CEP295: variants seen among roughly 807,000 people sequenced by gnomAD.
CEP295 encodes centrosomal protein of 295 kDa.
In CEP295, 190 loss-of-function variants were observed where a neutral mutation model predicts 291.6. That is an observed-to-expected ratio of 0.65 (90% CI 0.58 to 0.73). CEP295 has a LOEUF of 0.73. Ranked by LOEUF, CEP295 falls within the 30% of genes least tolerant of loss-of-function variation. The pLI, the probability that CEP295 is intolerant of heterozygous loss-of-function variation, is 0.00. For synonymous variants in CEP295, 993 were observed against 1,038.8 expected (o/e 0.96, Z 0.85); for missense variants, 2,863 against 2,949.4 (o/e 0.97, Z 0.68).
chr11:93,713,018 C>G (rs564947837), intron 18 of CEP295, among the ~76,000 whole-genome samples: 1 of 151,548 alleles, frequency 6.6e-6, no homozygotes, highest in East Asian at 1.9e-4. Flanking sequence ...ATCTTATAAC[C>G]CATTATTTAA....
chr11:93,687,644 T>C lies in CEP295; in HGVS notation c.1115T>C (p.Val372Ala). ...TTTTTTCCCTTTTTCTTTCTTTTAG[T>C]TCCCTTGGTAATGAAGACCCAACAG... ...EAEICSSETD[V>A]PLVMKTQQIP... is the part of the protein sequence containing the mutation. The change falls in exon 10 of 30, where the codon GTT (valine) becomes GCT (alanine). Residue 372 changes from valine (V) to alanine (A), a missense_variant and splice_region_variant. This residue lies in a region of CEP295 where 554 missense variants were observed against 576.0 expected (regional missense o/e 0.96). Coordinates refer to ENST00000325212, the MANE Select transcript of CEP295 (RefSeq NM_033395.2). 6.8e-7 allele frequency: 1 copy of C among 1,476,114 alleles called. No homozygotes were observed. Among genetic ancestry groups the C allele is most frequent in the Non-Finnish European group, 9.1e-7 (1 of 1,093,664 alleles). 91.4% of individuals were successfully genotyped at this position (1,476,114 alleles called of 1,614,324 possible).
chr11:93,702,973 C>CTT, intron 17 of CEP295, 54 bp downstream of exon 17: 1 of 1,401,882 alleles, frequency 7.1e-7, no homozygotes, highest in Non-Finnish European at 9.6e-7. Context: ...CAGTTTTCTA[C>CTT]TTTTTTTTTA....
chr11:93,728,768 G>A lies in CEP295; in HGVS notation c.7249G>A (p.Ala2417Thr). The change falls in exon 25 of 30, where the codon GCA (alanine) becomes ACA (threonine). Residue 2417 changes from alanine to threonine, a missense_variant. Physicochemically the swap from Ala to Thr is moderately conservative, Grantham distance 58. Transcript: ENST00000325212. ...TACCAGTATTGCTGAAATGGATTTT[G>A]CAAATTTAACCCTAGAAGAGAAGAG... Reference protein sequence around the residue: ...TDTSIAEMDFANLTLEEKSEN... With the variant: ...TDTSIAEMDFTNLTLEEKSEN... 1.9e-6 allele frequency: 3 copies of A among 1,550,394 alleles called. No homozygotes were observed. Among genetic ancestry groups the A allele is most frequent in the Non-Finnish European group, 2.6e-6 (3 of 1,146,652 alleles).
chr11:93,714,391 C>T (rs770046766), intron 18 of CEP295, among the ~76,000 whole-genome samples: 3 of 152,220 alleles, frequency 2.0e-5, no homozygotes, highest in Non-Finnish European at 4.4e-5. Flanking sequence ...GCTGGGACTA[C>T]AGGCGCGTGC....
intron 6 of CEP295, among the ~76,000 whole-genome samples, chr11:93,677,571 C>T (rs1233535424): frequency 6.6e-6 from 1 of 152,102 alleles, no homozygotes; most frequent in African/African-American, 2.4e-5. Context: ...GCTTAAAAGT[C>T]CTACATTACA....
intron 17 of CEP295, among the ~76,000 whole-genome samples, chr11:93,703,761 G>C (rs974191215): frequency 6.9e-6 from 1 of 145,686 alleles, no homozygotes; most frequent in Admixed American, 6.9e-5. Flanking sequence ...ACTCATCCCT[G>C]TAATTCTTTT....
At chr11:93,691,647 A>G in intron 10 of CEP295, 36 bp from the exon 11 acceptor site, 1 of 1,305,666 alleles carries the variant, frequency 7.7e-7, no homozygotes. Flanking sequence ...GACAATGATT[A>G]TATATTCAAA....
chr11:93,683,585 C>CA lies in CEP295; in HGVS notation c.795dup (p.Gln266ThrfsTer10). Reference sequence around the variant, plus strand: ...ATCAGGAGAAACTAATGAAAGAACTCAAACAGCTACAGCAAGAGGACCTGG... The same window carrying CA: ...ATCAGGAGAAACTAATGAAAGAACTCAAAACAGCTACAGCAAGAGGACCTGG... On this transcript the variant is annotated frameshift_variant, in exon 8 of 30. Coordinates refer to ENST00000325212, the MANE Select transcript of CEP295 (RefSeq NM_033395.2). LOFTEE classifies it high-confidence loss of function. 6.6e-7 allele frequency: 1 copy of CA among 1,518,412 alleles called. No individual in the cohort carries two copies. Among genetic ancestry groups the CA allele is most frequent in the Non-Finnish European group, 8.8e-7 (1 of 1,138,280 alleles). The allele number at this position is 1,518,412 out of a possible 1,614,324, so 94.1% of individuals were successfully genotyped here. A position where few individuals can be genotyped will look rare whatever the true frequency, so the allele number is the denominator to read the frequency against.
chr11:93,683,468 C>T (rs376174503), intron 7 of CEP295, 91 bp from the exon 8 acceptor site: 13 of 897,658 alleles, frequency 1.4e-5, no homozygotes, highest in East Asian at 1.4e-4. Context: ...AAGCTTAGAC[C>T]CTGATCCTCA....
At chr11:93,666,336 G>A (rs1337889347) in intron 1 of CEP295, among the ~76,000 whole-genome samples, 5 of 152,190 alleles carry the variant, frequency 3.3e-5, no homozygotes, top group Non-Finnish European at 7.3e-5. Flanking sequence ...GCTCATGCCT[G>A]TAATCCCAGC....
intron 18 of CEP295, among the ~76,000 whole-genome samples, chr11:93,714,408 G>A (rs1172624025): frequency 6.6e-6 from 1 of 152,086 alleles, no homozygotes; most frequent in East Asian, 1.9e-4. Context: ...GTGCCACCAC[G>A]CCCAGCTAAT....
intron 5 of CEP295, among the ~76,000 whole-genome samples, chr11:93,674,729 A>G (rs543084354): frequency 4.6e-5 from 7 of 152,376 alleles, no homozygotes; most frequent in Non-Finnish European, 7.3e-5. Flanking sequence ...CAGAAGTGTT[A>G]GCATTTCTTT....
Position 93,727,330 on chromosome 11 carries a change from C to G in CEP295, c.6854C>G (p.Ser2285Ter). 6.4e-7 allele frequency: 1 copy of G among 1,551,072 alleles called. No homozygotes were observed. Residue 2285 changes from serine to a stop codon, truncating the protein, a stop_gained, in exon 24 of 30, where the codon TCA becomes TGA. Transcript: ENST00000325212. LOFTEE classifies it high-confidence loss of function. ...RKESMGFEEL[S>*]KRGVVTMLQS... Reference sequence around the variant, plus strand: ...GAAAGTATGGGCTTTGAAGAACTATCAAAAAGAGGGGTTGTTACAATGTTA... The same window carrying G: ...GAAAGTATGGGCTTTGAAGAACTATGAAAAAGAGGGGTTGTTACAATGTTA...
Position 93,691,969 on chromosome 11 carries a change from C to A in CEP295, c.1472C>A (p.Ser491Ter). The stretch of plus-strand genomic sequence containing the variant: ...CCTATCACAACTGTAGCTCAGAGTT[C>A]AGTTCTACTTCATCCTCAAGAAGCA... Reference protein sequence around the residue: ...TLPITTVAQSSVLLHPQEAAA... With the variant: ...TLPITTVAQS The change falls in exon 12 of 30, where the codon TCA becomes TAA. Residue 491 changes from serine to a stop codon, truncating the protein, a stop_gained. Coordinates refer to ENST00000325212, the MANE Select transcript of CEP295 (RefSeq NM_033395.2). LOFTEE classifies it high-confidence loss of function. 6.5e-7 allele frequency: 1 copy of A among 1,546,574 alleles called. No homozygotes were observed. Among genetic ancestry groups the A allele is most frequent in the South Asian group, 1.2e-5 (1 of 83,582 alleles).
chr11:93,699,595 A>G lies in CEP295; in HGVS notation c.4683A>G (p.Glu1561=). ...CCCAGGTGCCTGTTGCTGACTCTGAAAGAACCCAGAAGTCTTTCCCAACCA... is the reference window on the plus strand; with the variant it reads ...CCCAGGTGCCTGTTGCTGACTCTGAGAGAACCCAGAAGTCTTTCCCAACCA... ...FVSQVPVADS[E]RTQKSFPTKS... is the part of the protein sequence containing the mutation. The change falls in exon 15 of 30, where the codon GAA becomes GAG. Residue 1561 remains glutamate, a synonymous_variant. Coordinates refer to ENST00000325212, the MANE Select transcript of CEP295 (RefSeq NM_033395.2). The G allele has an allele frequency of 3.2e-6, 5 of 1,551,874 alleles. No individual in the cohort carries two copies. Among genetic ancestry groups the G allele is most frequent in the Non-Finnish European group, 3.5e-6 (4 of 1,147,092 alleles).
intron 12 of CEP295, among the ~76,000 whole-genome samples, chr11:93,694,467 AACTTTCAGCTTTTCACTAAAAGGAAGC>A (rs1163126107): frequency 2.6e-5 from 4 of 152,192 alleles, no homozygotes; most frequent in African/African-American, 9.7e-5. Flanking sequence ...CCTTATTGAG[AACTTTCAGCTTTTCACTAAAAGGAAGC>A]ACTTTACAGC....
Position 93,700,067 on chromosome 11 carries a change from G to T in CEP295, c.5155G>T (p.Glu1719Ter). 3 of 1,551,832 alleles carry T rather than the reference G, an allele frequency of 1.9e-6. No individual in the cohort carries two copies. The highest frequency in any genetic ancestry group is 2.6e-6 in the Non-Finnish European group (3 of 1,147,020). ...TCAGAAACAGTTGGATCTACAAAGA[G>T]AAGTTCTGCATTATAGCCAGAAAGC... is the stretch of plus-strand genomic sequence containing the variant. The part of the protein sequence containing the change: ...GLQKQLDLQR[E>*]VLHYSQKAQE... The change falls in exon 15 of 30, where the codon GAA (glutamate) becomes TAA (stop). Residue 1719 changes from glutamate (E) to a stop codon, truncating the protein, a stop_gained. Coordinates refer to ENST00000325212, the MANE Select transcript of CEP295 (RefSeq NM_033395.2). LOFTEE classifies it high-confidence loss of function.
chr11:93,691,870 A>G, intron 11 of CEP295, 57 bp from the exon 12 acceptor site: 3 of 1,300,582 alleles, frequency 2.3e-6, no homozygotes, highest in Non-Finnish European at 3.2e-6. Context: ...AGGGCATTAT[A>G]GTGGTGTCAA....
At chr11:93,707,619 G>C (rs1413250037) in intron 18 of CEP295, among the ~76,000 whole-genome samples, 1 of 152,032 alleles carries the variant, frequency 6.6e-6, no homozygotes, top group African/African-American at 2.4e-5. Context: ...AATTGGCCGG[G>C]TGTAGTGGTG....
Sources: allele counts gnomAD v4.1 joint callset (sites outside exome capture counted in the v4.1 genomes callset), GRCh38; gene constraint gnomAD v4.1.1; regional missense constraint gnomAD v4.1.1; transcripts MANE v1.5; gene names NCBI Gene and HGNC (gene_info 2026-07-23, HGNC 2026-07-21).